The following SCRT2 variants were observed in gnomAD, a reference collection of about 807,000 sequenced individuals.
SCRT2 encodes transcriptional repressor scratch 2.
A neutral mutation model predicts 3.7 loss-of-function variants in SCRT2; 2 were observed. The observed-to-expected ratio is 0.54, with a 90% confidence interval of 0.22 to 1.70. The LOEUF is 1.70. Among genes scored for constraint, SCRT2 ranks in the 40% most tolerant of loss-of-function variants. SCRT2 has a pLI of 0.19. For synonymous variants in SCRT2, 256 were observed against 220.6 expected (o/e 1.16, Z -1.42); for missense variants, 456 against 468.5 (o/e 0.97, Z 0.25).
chr20:664,421 C>A lies in SCRT2; in HGVS notation c.174G>T (p.Ala58=). 1.5e-6 allele frequency: 2 copies of A among 1,326,790 alleles called. No homozygotes were observed. The highest frequency in any genetic ancestry group is 1.5e-5 in the African/African-American group (1 of 66,360). 82.2% of individuals were successfully genotyped at this position (1,326,790 alleles called of 1,614,324 possible). A position where few individuals can be genotyped will look rare whatever the true frequency, so the allele number is the denominator to read the frequency against. The part of the protein sequence containing the change: ...PHRLPPSSYD[A]DQKPGLELAP... Reference sequence around the variant, plus strand: ...CCAGCTCCAGGCCCGGCTTCTGGTCCGCATCGTAGCTGCTCGGGGGCAGGC... The same window carrying A: ...CCAGCTCCAGGCCCGGCTTCTGGTCAGCATCGTAGCTGCTCGGGGGCAGGC... Residue 58 remains alanine, a synonymous_variant, in exon 2 of 2, where the codon GCG becomes GCT. Transcript: ENST00000246104. This position sits in a 1 kb window ranked among gnomAD's most constrained non-coding sequence, Gnocchi z 7.9.
At chr20:670,156 G>T (rs1044808814) in intron 1 of SCRT2, among the ~76,000 whole-genome samples, 2 of 152,204 alleles carry the variant, frequency 1.3e-5, no homozygotes, top group Admixed American at 6.5e-5. Context: ...TTTTCAGGGG[G>T]GTATGGAGAT....
intron 1 of SCRT2, among the ~76,000 whole-genome samples, chr20:670,120 G>C (rs1599923926): frequency 6.6e-6 from 1 of 152,220 alleles, no homozygotes; most frequent in East Asian, 1.9e-4. Context: ...GAGGTCCAGA[G>C]CTCTGCAGGA....
At chr20:673,031 C>T (rs963584068) in intron 1 of SCRT2, among the ~76,000 whole-genome samples, 18 of 152,062 alleles carry the variant, frequency 1.2e-4, no homozygotes, top group Non-Finnish European at 1.5e-5. Flanking sequence ...GGAAGAGGCC[C>T]CTGAAAACAA....
chr20:667,633 C>T lies in SCRT2; in HGVS notation c.134-3172G>A, dbSNP rs915480414. On this transcript the variant is annotated intron_variant, in intron 1 of 1. Transcript: ENST00000246104. This position sits in a 1 kb window ranked among gnomAD's most constrained non-coding sequence, Gnocchi z 4.4. ...GTGGCCCTCAGCGCTGTTGACTTTC[C>T]TCCTGTTGCAAGGGGCTCTTTATGA... is the stretch of plus-strand genomic sequence containing the variant. Among the ~76,000 whole-genome samples the T allele has an allele frequency of 3.3e-5, 5 of 152,176 alleles. No homozygotes were observed. Among genetic ancestry groups the T allele is most frequent in the African/African-American group, 1.2e-4 (5 of 41,446 alleles).
In SCRT2 at chr20:667,064, G is replaced by A. The variant is rs1217142265; in HGVS notation, c.134-2603C>T. Among the ~76,000 whole-genome samples, 1 of 152,186 alleles carries A rather than the reference G, an allele frequency of 6.6e-6. No homozygotes were observed. The highest frequency in any genetic ancestry group is 1.5e-5 in the Non-Finnish European group (1 of 68,042). On this transcript the variant is annotated intron_variant, in intron 1 of 1. Transcript: ENST00000246104. This position sits in a 1 kb window ranked among gnomAD's most constrained non-coding sequence, Gnocchi z 4.4. ...TTTTGGCTCTACCATTCCCAGCAGT[G>A]TGACCTTGGCCAAACGATTTGGCCT...
chr20:661,965 A>G lies in SCRT2; in HGVS notation c.*1706T>C, dbSNP rs1233195082. The G allele has an allele frequency of 6.6e-6, 1 of 152,438 alleles. No homozygotes were observed. Among genetic ancestry groups the G allele is most frequent in the Non-Finnish European group, 1.5e-5 (1 of 68,058 alleles). The allele number at this position is 152,438 out of a possible 1,614,324, so 9.4% of individuals were successfully genotyped here. Reference sequence around the variant, plus strand: ...CCTCTTTTGTGGCTAAGAGGAGGGGAGAGGAGGATCTGAGAGTCCAGGACT... The same window carrying G: ...CCTCTTTTGTGGCTAAGAGGAGGGGGGAGGAGGATCTGAGAGTCCAGGACT... On this transcript the variant is annotated 3_prime_UTR_variant, in exon 2 of 2. Transcript: ENST00000246104.
chr20:672,412 TGTGTGTGTGTGCGCGCGTGC>T (rs1984365786), intron 1 of SCRT2, among the ~76,000 whole-genome samples: 1 of 140,150 alleles, frequency 7.1e-6, no homozygotes, highest in African/African-American at 2.8e-5. Context: ...TGTGTGTGTG[TGTGTGTGTGTGCGCGCGTGC>T]GTGTGTGTGT....
rs1447153113 is a variant in SCRT2, at chr20:674,661, G to A, written c.133+808C>T. Among the ~76,000 whole-genome samples the A allele has an allele frequency of 3.3e-5, 5 of 151,418 alleles. No homozygotes were observed. The South Asian group carries it at 1.0e-3, about 32-fold the overall frequency. ...TCTTGTTCCTCAAACCCTTGTCCCT[G>A]CAGGAACTTGTTCTGAGAAGAGATG... On this transcript the variant is annotated intron_variant, in intron 1 of 1. Transcript: ENST00000246104.
At position 663,205 on chromosome 20, in the gene SCRT2, G is replaced by C. The variant is rs899897940; in HGVS notation, c.*466C>G. ...AGGGCCTGCGTCCAGGTGTGGATGG[G>C]GAAACTGAGGCAGGTATGGGCGTCA... On this transcript the variant is annotated 3_prime_UTR_variant, in exon 2 of 2. Coordinates refer to ENST00000246104, the MANE Select transcript of SCRT2 (RefSeq NM_033129.4). This position sits in a 1 kb window ranked among gnomAD's most constrained non-coding sequence, Gnocchi z 6.9. The C allele has an allele frequency of 3.8e-5, 6 of 159,254 alleles. No individual in the cohort carries two copies. The highest frequency in any genetic ancestry group is 1.4e-4 in the African/African-American group (6 of 41,660). 9.9% of individuals were successfully genotyped at this position (159,254 alleles called of 1,614,324 possible). A position where few individuals can be genotyped will look rare whatever the true frequency, so the allele number is the denominator to read the frequency against.
rs1331230584 is a variant in SCRT2, at chr20:666,666, C to T, written c.134-2205G>A. On this transcript the variant is annotated intron_variant, in intron 1 of 1. Transcript: ENST00000246104. This position sits in a 1 kb window ranked among gnomAD's most constrained non-coding sequence, Gnocchi z 4.4. ...CCTCCAGGAGGGGGCTGTGGCTGAG[C>T]TGTTCACCTCCCATTCCCAGGGCCC... Among the ~76,000 whole-genome samples, 2 of 152,210 alleles carry T rather than the reference C, an allele frequency of 1.3e-5. No individual in the cohort carries two copies. Among genetic ancestry groups the T allele is most frequent in the Non-Finnish European group, 2.9e-5 (2 of 68,024 alleles).
rs1244093422 is a variant in SCRT2 at position 663,722 on chromosome 20, G to A, written c.873C>T (p.Cys291=). 6.5e-7 allele frequency: 1 copy of A among 1,539,244 alleles called. No individual in the cohort carries two copies. The highest frequency in any genetic ancestry group is 8.7e-7 in the Non-Finnish European group (1 of 1,145,708). Residue 291 remains cysteine (C), a synonymous_variant, in exon 2 of 2, where the codon TGC becomes TGT. Transcript: ENST00000246104. The surrounding 1 kb of genome is among the most constrained non-coding windows in gnomAD (Gnocchi z 6.9). ...SYLHKHCEAA[C]AKAAEPPPPT... is the part of the protein sequence containing the mutation. ...GCGGGGGTGGCTCGGCCGCCTTGGC[G>A]CAGGCCGCCTCGCAGTGCTTGTGGA... is the stretch of plus-strand genomic sequence containing the variant.
intron 1 of SCRT2, among the ~76,000 whole-genome samples, chr20:673,918 G>T (rs924371819): frequency 2.0e-5 from 3 of 152,242 alleles, no homozygotes; most frequent in South Asian, 2.1e-4. Context: ...AGCTTTGAGC[G>T]CACACTCTCC....
At chr20:672,738 T>TCTCCTTCC (rs1315373445) in intron 1 of SCRT2, among the ~76,000 whole-genome samples, 2 of 39,936 alleles carry the variant, frequency 5.0e-5, no homozygotes, top group Non-Finnish European at 5.0e-5. Flanking sequence ...TCCCTCCCTC[T>TCTCCTTCC]CTCCTTCCCT....
At chr20:669,310 C>T (rs1470739370) in intron 1 of SCRT2, among the ~76,000 whole-genome samples, 1 of 152,236 alleles carries the variant, frequency 6.6e-6, no homozygotes, top group Non-Finnish European at 1.5e-5. Context: ...TGTCTAAGGT[C>T]ACTTCCCTCC....
chr20:672,433 G>A lies in SCRT2; in HGVS notation c.133+3036C>T, dbSNP rs951549655. On this transcript the variant is annotated intron_variant, in intron 1 of 1. Transcript: ENST00000246104. ...TGTGTGTGTGTGTGTGCGCGCGTGC[G>A]TGTGTGTGTATGGAGGAGGAGCAGG... Among the ~76,000 whole-genome samples the A allele has an allele frequency of 5.9e-5, 9 of 151,750 alleles. No homozygotes were observed. The East Asian group carries it at 1.2e-3, about 20-fold the overall frequency.
intron 1 of SCRT2, among the ~76,000 whole-genome samples, chr20:670,897 G>A (rs768375193): frequency 1.4e-4 from 22 of 152,132 alleles, no homozygotes; most frequent in Admixed American, 5.9e-4. Flanking sequence ...CACTTCCACT[G>A]AGCCCTGTTA....
intron 1 of SCRT2, among the ~76,000 whole-genome samples, chr20:670,382 T>A (rs1053544593): frequency 6.6e-6 from 1 of 151,882 alleles, no homozygotes; most frequent in Admixed American, 6.6e-5. Flanking sequence ...TCCAAACCCC[T>A]CCCTATCCAA....
chr20:675,783 CAG>C lies in SCRT2; in HGVS notation c.-184_-183del, dbSNP rs1009576915. Reference sequence around the variant, plus strand: ...GGGCTTGGCGGCGGCGGCGCGCAGACAGGGGATCGCGGGAGCTGCGCTCAGCA... The same window carrying C: ...GGGCTTGGCGGCGGCGGCGCGCAGACGGGATCGCGGGAGCTGCGCTCAGCA... On this transcript the variant is annotated 5_prime_UTR_variant, in exon 1 of 2. Coordinates refer to ENST00000246104, the MANE Select transcript of SCRT2 (RefSeq NM_033129.4). The surrounding 1 kb of genome is among the most constrained non-coding windows in gnomAD (Gnocchi z 6.9). The C allele has an allele frequency of 1.7e-5, 4 of 234,252 alleles. No homozygotes were observed. Among genetic ancestry groups the C allele is most frequent in the African/African-American group, 6.9e-5 (3 of 43,684 alleles). The allele number at this position is 234,252 out of a possible 1,614,324, so 14.5% of individuals were successfully genotyped here.
At chr20:674,688 A>AGTGT (rs759385819) in intron 1 of SCRT2, among the ~76,000 whole-genome samples, 1,570 of 129,270 alleles carry the variant, frequency 0.012, 15 homozygotes, top group East Asian at 0.074. Context: ...GAAGAGATGG[A>AGTGT]GTGTGTGTGT....
Sources: gnomAD v4.1 joint callset for allele counts (sites outside exome capture counted in the v4.1 genomes callset) on GRCh38, gnomAD v4.1.1 for gene constraint, Gnocchi (gnomAD v3.1) non-coding constraint, MANE v1.5 for transcripts, NCBI Gene and HGNC (gene_info 2026-07-23, HGNC 2026-07-21) for gene names.